Variants in CNKSR1 observed in about 807,000 individuals in gnomAD.
CNKSR1 encodes connector enhancer of kinase suppressor of Ras 1.
A neutral mutation model predicts 95.6 loss-of-function variants in CNKSR1; 88 were observed. That is an observed-to-expected ratio of 0.92 (90% confidence interval 0.78 to 1.10). The LOEUF (loss-of-function observed/expected upper bound fraction) is 1.10, where lower values mean the gene tolerates loss of function less well. Ranked by LOEUF, CNKSR1 falls within the 50% of genes least tolerant of loss-of-function variation. The probability of loss-of-function intolerance (pLI) is 0.00; values close to 1 mark genes in which losing one functional copy is unlikely to be tolerated. For missense variants in CNKSR1, 836 were observed against 912.0 expected (o/e 0.92, Z 1.07); for synonymous variants, 355 against 369.7 (o/e 0.96, Z 0.46).
At chr1:26,178,922 AAC>A (rs150325045) in intron 1 of CNKSR1, among the ~76,000 whole-genome samples, 1 of 151,850 alleles carries the variant, frequency 6.6e-6, no homozygotes, top group African/African-American at 2.4e-5. Flanking sequence ...TGACACAGGG[AAC>A]ACACACACAC....
In CNKSR1 at chr1:26,189,783, T is replaced by A; in HGVS notation, c.*235T>A. On this transcript the variant is annotated 3_prime_UTR_variant, in exon 21 of 21. Transcript: ENST00000361530. ...ACCTCTGGGGCCACAGCCCTGCCCC[T>A]CCAGTTCCTTGGCAGTTCTCCCCCA... 1.4e-6 allele frequency: 1 copy of A among 696,562 alleles called. No homozygotes were observed. The highest frequency in any genetic ancestry group is 2.6e-6 in the Non-Finnish European group (1 of 382,696). The allele number at this position is 696,562 out of a possible 1,614,324, so 43.1% of individuals were successfully genotyped here. A position where few individuals can be genotyped will look rare whatever the true frequency, so the allele number is the denominator to read the frequency against.
At chr1:26,182,292 C>G (rs1004056326) in intron 4 of CNKSR1, 69 bp from the exon 5 acceptor site, 1 of 1,517,032 alleles carries the variant, frequency 6.6e-7, no homozygotes, top group Non-Finnish European at 9.1e-7. Flanking sequence ...CCACCCTGCC[C>G]CCAGGAGAAG....
chr1:26,180,364 G>A, intron 1 of CNKSR1, 89 bp from the exon 2 acceptor site: 1 of 1,511,394 alleles, frequency 6.6e-7, no homozygotes, highest in South Asian at 1.1e-5. Context: ...GGTTAGACTA[G>A]AGGGAAAAGA....
intron 3 of CNKSR1, 148 bp from the exon 4 acceptor site, chr1:26,181,709 A>T: frequency 1.4e-6 from 1 of 728,758 alleles, no homozygotes; most frequent in Non-Finnish European, 2.4e-6. Flanking sequence ...TAATCTCTTT[A>T]GATGTCTCAA....
Position 26,182,029 on chromosome 1 carries a change from C to G in CNKSR1, c.477+88C>G, listed in dbSNP as rs548126081. The G allele has an allele frequency of 8.0e-6, 10 of 1,244,726 alleles. No individual in the cohort carries two copies. The South Asian group carries it at 8.4e-5, about 10-fold the overall frequency. 77.1% of individuals were successfully genotyped at this position (1,244,726 alleles called of 1,614,324 possible). On this transcript the variant is annotated intron_variant, in intron 4 of 20. Transcript: ENST00000361530. ...TATAACCTGTGAATCAGCCCAGGAT[C>G]GAGTATGAGGATTGAGACGGGCGAG...
At chr1:26,180,937 C>G in intron 3 of CNKSR1, 41 bp downstream of exon 3, 1 of 1,611,456 alleles carries the variant, frequency 6.2e-7, no homozygotes, top group Non-Finnish European at 8.5e-7. Context: ...TATTGTCATC[C>G]TTGGCCTCCT....
chr1:26,184,262 T>TCC lies in CNKSR1; in HGVS notation c.977_978dup (p.Gly327ProfsTer32). Reference sequence around the variant, plus strand: ...CCTTTGACCTGTCTTCAAACCCCAGTCCCGGACCCAGCCCTGCCTGGACAG... The same window carrying TCC: ...CCTTTGACCTGTCTTCAAACCCCAGTCCCCCGGACCCAGCCCTGCCTGGACAG... On this transcript the variant is annotated frameshift_variant, in exon 11 of 21. Coordinates refer to ENST00000361530, the MANE Select transcript of CNKSR1 (RefSeq NM_006314.3). LOFTEE classifies it high-confidence loss of function. 6.2e-7 allele frequency: 1 copy of TCC among 1,613,342 alleles called. No individual in the cohort carries two copies. Among genetic ancestry groups the TCC allele is most frequent in the Non-Finnish European group, 8.5e-7 (1 of 1,179,842 alleles).
chr1:26,187,303 G>C lies in CNKSR1; in HGVS notation c.1382+62G>C. ...ACAGAAAGGGAGAGGAAGGGTGATG[G>C]GGTAGCAGTGGGAGGTGTGGCAAGT... On this transcript the variant is annotated intron_variant, in intron 15 of 20. Coordinates refer to ENST00000361530, the MANE Select transcript of CNKSR1 (RefSeq NM_006314.3). 6 of 1,586,702 alleles carry C rather than the reference G, an allele frequency of 3.8e-6. No homozygotes were observed. In the South Asian group the frequency reaches 6.6e-5, roughly 18 times the overall value.
rs2124518662 is a variant in CNKSR1 at position 26,189,374 on chromosome 1, G to A, written c.1968G>A (p.Glu656=). 6.2e-7 allele frequency: 1 copy of A among 1,614,224 alleles called. No individual in the cohort carries two copies. Among genetic ancestry groups the A allele is most frequent in the Middle Eastern group, 1.6e-4 (1 of 6,062 alleles). ...GCCAGTGGAAGGAGCAGAACCGGGAGCTGTACTCAGAGGGCCTGGGGGCCT... is the reference window on the plus strand; with the variant it reads ...GCCAGTGGAAGGAGCAGAACCGGGAACTGTACTCAGAGGGCCTGGGGGCCT... ...KFRQWKEQNR[E]LYSEGLGAWG... is the part of the protein sequence containing the mutation. Residue 656 remains glutamate, a synonymous_variant, in exon 21 of 21, where the codon GAG becomes GAA. Coordinates refer to ENST00000361530, the MANE Select transcript of CNKSR1 (RefSeq NM_006314.3).
Position 26,182,554 on chromosome 1 carries a change from G to C in CNKSR1, c.594G>C (p.Val198=). ...AGGAGCTGCTGGAACAGAAGGCCGT[G>C]CTCGAGCAGGTGCAGCTGGACAGTC... The part of the protein sequence containing the change: ...CPKELLEQKA[V]LEQVQLDSPL... Residue 198 remains valine, a synonymous_variant, in exon 6 of 21, where the codon GTG becomes GTC. Coordinates refer to ENST00000361530, the MANE Select transcript of CNKSR1 (RefSeq NM_006314.3). 6.2e-7 allele frequency: 1 copy of C among 1,613,498 alleles called. No homozygotes were observed. The highest frequency in any genetic ancestry group is 8.5e-7 in the Non-Finnish European group (1 of 1,180,006).
intron 8 of CNKSR1, 63 bp from the exon 9 acceptor site, chr1:26,183,666 A>T: frequency 8.1e-7 from 1 of 1,232,816 alleles, no homozygotes; most frequent in Non-Finnish European, 1.2e-6. Flanking sequence ...CGAGGGTGAG[A>T]GTTGGTGGTT....
chr1:26,181,147 G>A, intron 3 of CNKSR1: 2 of 453,010 alleles, frequency 4.4e-6, no homozygotes, highest in South Asian at 3.9e-5. Context: ...CAGGTGTGGT[G>A]GTGCGCACCT....
intron 17 of CNKSR1, 65 bp downstream of exon 17, chr1:26,188,372 G>A (rs2088794220): frequency 5.6e-6 from 9 of 1,609,806 alleles, no homozygotes; most frequent in African/African-American, 1.3e-5. Flanking sequence ...CCTGGGATGG[G>A]GGCTAGGAAC....
intron 16 of CNKSR1, 31 bp downstream of exon 16, chr1:26,187,513 C>T (rs769427851): frequency 6.2e-7 from 1 of 1,607,250 alleles, no homozygotes; most frequent in South Asian, 1.1e-5. Context: ...CCCCTACTCT[C>T]ATATGATTCC....
In CNKSR1 at chr1:26,188,482, G is replaced by A. The variant is rs1246377272; in HGVS notation, c.1569G>A (p.Glu523=). 9 of 1,605,198 alleles carry A rather than the reference G, an allele frequency of 5.6e-6. No homozygotes were observed. The highest frequency in any genetic ancestry group is 7.7e-6 in the Non-Finnish European group (9 of 1,176,076). ...SETEAEDPDD[E]AGSHSASPSP... ...CCGAAGCAGAGGACCCGGACGATGA[G>A]GCTGGGTCCCACTCAGCCTCGGTGA... The change falls in exon 18 of 21, where the codon GAG becomes GAA. Residue 523 remains glutamate, a synonymous_variant. Transcript: ENST00000361530.
intron 8 of CNKSR1, 55 bp downstream of exon 8, chr1:26,183,469 A>G: frequency 1.3e-6 from 2 of 1,578,926 alleles, no homozygotes; most frequent in South Asian, 1.1e-5. Context: ...GTGGAACCCA[A>G]GTCTGGTGGG....
intron 3 of CNKSR1, chr1:26,181,487 C>T (rs148831186): frequency 0.013 from 3,426 of 260,450 alleles, 32 homozygotes; most frequent in Non-Finnish European, 0.02. Context: ...AATGTCATCT[C>T]GGGGAAGCCT....
chr1:26,188,784 A>C lies in CNKSR1; in HGVS notation c.1703A>C (p.Glu568Ala). 2.5e-6 allele frequency: 4 copies of C among 1,609,340 alleles called. No homozygotes were observed. Among genetic ancestry groups the C allele is most frequent in the Non-Finnish European group, 3.4e-6 (4 of 1,176,742 alleles). Residue 568 changes from glutamate to alanine, a missense_variant, in exon 20 of 21, where the codon GAG becomes GCG. By Grantham distance (107) the Glu-to-Ala change is moderately radical. Transcript: ENST00000361530. ...SFGSLTDSSE[E>A]ALEGMVRGLR... ...TTCCCTCCCACAGACAGCAGTGAAG[A>C]GGCACTGGAAGGAATGGTACGGGGG...
At chr1:26,182,721 G>T (rs780345717) in intron 6 of CNKSR1, 137 bp downstream of exon 6, 384 of 840,908 alleles carry the variant, frequency 4.6e-4, no homozygotes, top group Non-Finnish European at 6.4e-4. Flanking sequence ...TAAAATGGAG[G>T]CCCAGAGGAT....
Sources: gnomAD v4.1 joint callset for allele counts (sites outside exome capture counted in the v4.1 genomes callset) on GRCh38, gnomAD v4.1.1 for gene constraint, MANE v1.5 for transcripts, NCBI Gene and HGNC (gene_info 2026-07-23, HGNC 2026-07-21) for gene names.